TRIM54: variants seen among roughly 807,000 people sequenced by gnomAD.
The protein encoded by TRIM54 is tripartite motif containing 54, also known as tripartite motif-containing protein 54.
TRIM54 carries 40 observed loss-of-function variants against 42.0 expected under a neutral mutation model. That is an observed-to-expected ratio of 0.95 (90% CI 0.74 to 1.24). The LOEUF is 1.24. Among genes scored for constraint, TRIM54 ranks in the 50% most tolerant of loss-of-function variants. The pLI is 0.00. For synonymous variants in TRIM54, 199 were observed against 194.9 expected (o/e 1.02, Z -0.17); for missense variants, 485 against 480.3 (o/e 1.01, Z -0.09).
intron 1 of TRIM54, among the ~76,000 whole-genome samples, chr2:27,286,668 A>G (rs757984786): frequency 6.6e-6 from 1 of 152,210 alleles, no homozygotes; most frequent in Non-Finnish European, 1.5e-5. Flanking sequence ...AGACAACCAA[A>G]AGGCCTTGTA....
chr2:27,287,031 C>T (rs1678586198), intron 1 of TRIM54, among the ~76,000 whole-genome samples: 1 of 152,154 alleles, frequency 6.6e-6, no homozygotes, highest in East Asian at 1.9e-4. Flanking sequence ...GGTTAGGGCT[C>T]TTACTTCTGT....
intron 1 of TRIM54, among the ~76,000 whole-genome samples, chr2:27,290,288 C>T (rs1277605102): frequency 6.6e-6 from 1 of 152,178 alleles, no homozygotes; most frequent in Non-Finnish European, 1.5e-5. Flanking sequence ...ATTTAAAGCA[C>T]ATTTGATGGA....
chr2:27,302,266 C>T (rs946865860), intron 3 of TRIM54, among the ~76,000 whole-genome samples: 18 of 150,716 alleles, frequency 1.2e-4, no homozygotes, highest in East Asian at 4.0e-4. Context: ...CTGGCTAACA[C>T]GGTGAAACCC....
At chr2:27,290,029 G>A (rs1678676506) in intron 1 of TRIM54, among the ~76,000 whole-genome samples, 1 of 151,504 alleles carries the variant, frequency 6.6e-6, no homozygotes, top group Admixed American at 6.6e-5. Context: ...AAGCTACCAT[G>A]CCTGGCTAAT....
chr2:27,298,490 A>C, intron 1 of TRIM54, 77 bp from the exon 2 acceptor site: 1 of 1,192,998 alleles, frequency 8.4e-7, no homozygotes. Context: ...CCTAGCCCCC[A>C]AGCCCTTTCC....
chr2:27,283,750 A>G (rs1678453281), intron 1 of TRIM54, among the ~76,000 whole-genome samples: 1 of 142,150 alleles, frequency 7.0e-6, no homozygotes, highest in Non-Finnish European at 1.5e-5. Context: ...GATCAGGGAG[A>G]GTGAGGGGCA....
Position 27,306,529 on chromosome 2 carries a change from G to C in TRIM54, c.1065G>C (p.Pro355=), listed in dbSNP as rs201080534. The C allele has an allele frequency of 1.3e-6, 2 of 1,555,448 alleles. No homozygotes were observed. The highest frequency in any genetic ancestry group is 2.4e-5 in the East Asian group (1 of 41,920). The change falls in exon 8 of 9, where the codon CCG becomes CCC. Residue 355 remains proline (P), a synonymous_variant. Transcript: ENST00000380075. This position sits in a 1 kb window ranked among gnomAD's most constrained non-coding sequence, Gnocchi z 6.1. Reference sequence around the variant, plus strand: ...GCGCGGGGCCGGAGGAAGAGCGGCCGGATGGGCCTTAAGGTGAGAGCCGCC... The same window carrying C: ...GCGCGGGGCCGGAGGAAGAGCGGCCCGATGGGCCTTAAGGTGAGAGCCGCC... ...EGSAGPEEER[P]DGP
At position 27,294,224 on chromosome 2, in the gene TRIM54, G is replaced by A. The variant is rs544457082; in HGVS notation, c.169-4343G>A. The stretch of plus-strand genomic sequence containing the variant: ...GCTCACTGCAGCCTTGACTTCCTGG[G>A]CTCAAGTGATCCTCCCACCTCAGCC... On this transcript the variant is annotated intron_variant, in intron 1 of 8. Transcript: ENST00000380075. 3.9e-5 allele frequency among the ~76,000 whole-genome samples: 6 copies of A among 152,048 alleles called. No homozygotes were observed. The South Asian group carries it at 1.2e-3, about 32-fold the overall frequency.
intron 3 of TRIM54, among the ~76,000 whole-genome samples, chr2:27,302,364 T>C (rs1679060188): frequency 6.6e-6 from 1 of 151,412 alleles, no homozygotes; most frequent in South Asian, 2.1e-4. Flanking sequence ...GGCAGAATTG[T>C]TTACCTGGGA....
At position 27,282,570 on chromosome 2, in the gene TRIM54, A is replaced by G; in HGVS notation, c.-162A>G. The stretch of plus-strand genomic sequence containing the variant: ...AAGTAGAGACTGTCCGAAGACTGCT[A>G]TCTGGGACGAGACAAGTTGTTAAAG... On this transcript the variant is annotated 5_prime_UTR_variant, in exon 1 of 9. Transcript: ENST00000380075. 3 of 703,470 alleles carry G rather than the reference A, an allele frequency of 4.3e-6. No individual in the cohort carries two copies. Among genetic ancestry groups the G allele is most frequent in the Non-Finnish European group, 6.8e-6 (3 of 440,896 alleles). 43.6% of individuals were successfully genotyped at this position (703,470 alleles called of 1,614,324 possible).
intron 1 of TRIM54, among the ~76,000 whole-genome samples, chr2:27,295,853 C>T (rs894474581): frequency 6.6e-6 from 1 of 152,194 alleles, no homozygotes; most frequent in Admixed American, 6.5e-5. Context: ...CACTTGGGTT[C>T]TAAATATTGA....
chr2:27,283,783 C>T (rs907689826), intron 1 of TRIM54, among the ~76,000 whole-genome samples: 10 of 86,216 alleles, frequency 1.2e-4, no homozygotes, highest in South Asian at 4.7e-4. Flanking sequence ...CACACACGCG[C>T]GCACACACAC....
At chr2:27,303,073 A>AT (rs1278103765) in intron 3 of TRIM54, among the ~76,000 whole-genome samples, 2 of 152,212 alleles carry the variant, frequency 1.3e-5, no homozygotes, top group African/African-American at 2.4e-5. Context: ...TGCTTGGTAC[A>AT]TAGAAGCAAA....
At chr2:27,302,606 A>G (rs1349696147) in intron 3 of TRIM54, among the ~76,000 whole-genome samples, 1 of 151,870 alleles carries the variant, frequency 6.6e-6, no homozygotes, top group East Asian at 1.9e-4. Flanking sequence ...AGCCTGGCCA[A>G]CATGGTGAAA....
In TRIM54 at chr2:27,306,224, T is replaced by G; in HGVS notation, c.878T>G (p.Met293Arg). ...AKELINKVGAMSKVELAGRPE... is the reference protein window; with the variant it reads ...AKELINKVGARSKVELAGRPE... Reference sequence around the variant, plus strand: ...TGTGGCCACTGCAGGGTCGGGGCCATGTCGAAGGTGGAGCTGGCAGGGCGG... The same window carrying G: ...TGTGGCCACTGCAGGGTCGGGGCCAGGTCGAAGGTGGAGCTGGCAGGGCGG... The change falls in exon 7 of 9, where the codon ATG (methionine) becomes AGG (arginine). Residue 293 changes from methionine (M) to arginine (R), a missense_variant. By Grantham distance (91) the Met-to-Arg change is moderately conservative. Coordinates refer to ENST00000380075, the MANE Select transcript of TRIM54 (RefSeq NM_187841.3). This position sits in a 1 kb window ranked among gnomAD's most constrained non-coding sequence, Gnocchi z 6.1. The G allele has an allele frequency of 1.2e-6, 2 of 1,613,890 alleles. No homozygotes were observed. The highest frequency in any genetic ancestry group is 1.7e-6 in the Non-Finnish European group (2 of 1,179,974).
chr2:27,289,859 T>C (rs1678671114), intron 1 of TRIM54, among the ~76,000 whole-genome samples: 1 of 138,122 alleles, frequency 7.2e-6, no homozygotes, highest in African/African-American at 2.7e-5. Context: ...TCTCTCTTTC[T>C]CTTTTTTTTT....
chr2:27,286,105 T>G (rs963421798), intron 1 of TRIM54, among the ~76,000 whole-genome samples: 1 of 151,908 alleles, frequency 6.6e-6, no homozygotes, highest in East Asian at 1.9e-4. Context: ...ATTAAGGGGT[T>G]GGGAGGAAAT....
Position 27,282,892 on chromosome 2 carries a change from T to C in TRIM54, c.161T>C (p.Val54Ala), listed in dbSNP as rs1678424509. Reference sequence around the variant, plus strand: ...CTGTGCCGCAAATGTGCCAACGACGTCTTCCAGGTGGGTGCCAGGGACGGG... The same window carrying C: ...CTGTGCCGCAAATGTGCCAACGACGCCTTCCAGGTGGGTGCCAGGGACGGG... ...HNLCRKCANDVFQASNPLWQS... is the reference protein window; with the variant it reads ...HNLCRKCANDAFQASNPLWQS... Residue 54 changes from valine to alanine, a missense_variant, in exon 1 of 9, where the codon GTC becomes GCC. By Grantham distance (64) the Val-to-Ala change is moderately conservative. Transcript: ENST00000380075. 2.5e-6 allele frequency: 4 copies of C among 1,611,788 alleles called. No homozygotes were observed. The highest frequency in any genetic ancestry group is 1.7e-4 in the Middle Eastern group (1 of 6,054).
intron 3 of TRIM54, among the ~76,000 whole-genome samples, chr2:27,300,420 A>G (rs1678997455): frequency 1.3e-5 from 2 of 151,728 alleles, no homozygotes; most frequent in Non-Finnish European, 2.9e-5. Flanking sequence ...TGATCCACCC[A>G]CCTTGGCCTC....
Sources: allele counts gnomAD v4.1 joint callset (sites outside exome capture counted in the v4.1 genomes callset), GRCh38; gene constraint gnomAD v4.1.1; non-coding constraint Gnocchi (gnomAD v3.1); transcripts MANE v1.5; gene names NCBI Gene and HGNC (gene_info 2026-07-23, HGNC 2026-07-21).